EML5: variants seen among roughly 807,000 people sequenced by gnomAD.
The protein encoded by EML5 is EMAP like 5.
EML5 carries 120 observed loss-of-function variants against 250.0 expected under a neutral mutation model. The observed-to-expected ratio is 0.48, with a 90% CI of 0.41 to 0.56. The LOEUF (loss-of-function observed/expected upper bound fraction) is 0.56. Among genes scored for constraint, EML5 ranks in the 20% least tolerant of loss-of-function variants. The pLI, the probability that EML5 is intolerant of heterozygous loss-of-function variation, is 0.00. For missense variants in EML5, 2,006 were observed against 2,437.6 expected, an observed-to-expected ratio of 0.82 and a Z score of 3.73; for synonymous variants, 771 against 806.5, an observed-to-expected ratio of 0.96 and a Z score of 0.75.
rs1323714910 is a variant in EML5, at chr14:88,715,122, T to A, written c.1261A>T (p.Thr421Ser). 1 of 1,612,746 alleles carries A rather than the reference T, an allele frequency of 6.2e-7. No homozygotes were observed. The highest frequency in any genetic ancestry group is 8.5e-7 in the Non-Finnish European group (1 of 1,179,318). ...TCATTGCATCCAACAGCAAGGTAAGTTCCATCTGGTGAATATTTTAACTCA... is the reference window on the plus strand; with the variant it reads ...TCATTGCATCCAACAGCAAGGTAAGATCCATCTGGTGAATATTTTAACTCA... ...IHELKYSPDG[T>S]YLAVGCNDSS... The change falls in exon 9 of 44, where the codon ACT (threonine) becomes TCT (serine). Residue 421 changes from threonine (T) to serine (S), a missense_variant. Thr to Ser is a moderately conservative substitution (Grantham distance 58, BLOSUM62 1). Around this residue, in one of 7 missense-constraint regions of EML5, gnomAD observed 1,375 missense variants for 1,590.3 expected, o/e 0.86. Transcript: ENST00000554922.
At chr14:88,643,541 C>T (rs1443047358) in intron 30 of EML5, among the ~76,000 whole-genome samples, 1 of 152,112 alleles carries the variant, frequency 6.6e-6, no homozygotes, top group Non-Finnish European at 1.5e-5. Flanking sequence ...TTATATAAGG[C>T]ACTTGAGCAC....
At chr14:88,629,756 G>T (rs1338162606) in intron 33 of EML5, among the ~76,000 whole-genome samples, 1 of 152,084 alleles carries the variant, frequency 6.6e-6, no homozygotes, top group Non-Finnish European at 1.5e-5. Context: ...TAACTGACTT[G>T]CCCTAATACA....
At chr14:88,648,711 TC>T (rs1218144784) in intron 28 of EML5, among the ~76,000 whole-genome samples, 2 of 152,106 alleles carry the variant, frequency 1.3e-5, no homozygotes, top group Non-Finnish European at 2.9e-5. Context: ...TCCTGTGCTT[TC>T]TTCTAGCCCA....
rs370179425 is a variant in EML5, at chr14:88,622,665, C to T, written c.4952G>A (p.Arg1651His). 1.4e-5 allele frequency: 23 copies of T among 1,611,018 alleles called. No individual in the cohort carries two copies. The highest frequency in any genetic ancestry group is 3.4e-5 in the Admixed American group (2 of 59,666). ...TTGTCCTGTCTCAAGCCTGAAGGCA[C>T]GGCACCGCCTCAGTTCCTGATCCCA... ...KLWDQELRRC[R>H]AFRLETGQAT... Residue 1651 changes from arginine to histidine, a missense_variant, in exon 37 of 44, where the codon CGT becomes CAT. By Grantham distance (29) the Arg-to-His change is conservative. This residue lies in a region of EML5 where 405 missense variants were observed against 523.3 expected (regional missense o/e 0.77). Transcript: ENST00000554922.
intron 20 of EML5, among the ~76,000 whole-genome samples, chr14:88,684,156 C>G: frequency 6.7e-6 from 1 of 150,258 alleles, no homozygotes; most frequent in East Asian, 2.0e-4. Flanking sequence ...CATTTTGATA[C>G]ACTAGAAATG....
At chr14:88,750,199 A>C (rs1412701131) in intron 2 of EML5, among the ~76,000 whole-genome samples, 1 of 152,150 alleles carries the variant, frequency 6.6e-6, no homozygotes, top group Non-Finnish European at 1.5e-5. Context: ...AGGTTTGAAC[A>C]TCATCTCTTA....
At chr14:88,752,931 C>A (rs1327954270) in intron 2 of EML5, among the ~76,000 whole-genome samples, 1 of 152,154 alleles carries the variant, frequency 6.6e-6, no homozygotes, top group Non-Finnish European at 1.5e-5. Flanking sequence ...CCACTTAGAG[C>A]CACTTCCATT....
intron 22 of EML5, 63 bp downstream of exon 22, chr14:88,665,274 T>A (rs768652369): frequency 6.1e-6 from 9 of 1,477,016 alleles, no homozygotes; most frequent in Non-Finnish European, 8.2e-6. Context: ...AAATTATACA[T>A]TGATACATTT....
chr14:88,772,185 C>G (rs2094399679), intron 1 of EML5, among the ~76,000 whole-genome samples: 1 of 152,162 alleles, frequency 6.6e-6, no homozygotes, highest in African/African-American at 2.4e-5. Context: ...CTCATGCATT[C>G]TATTAGCCTG....
At chr14:88,696,624 A>C (rs2093085917) in intron 15 of EML5, among the ~76,000 whole-genome samples, 1 of 152,152 alleles carries the variant, frequency 6.6e-6, no homozygotes, top group African/African-American at 2.4e-5. Flanking sequence ...GAAACATGTA[A>C]ATTTTAATAA....
rs1190865778 is a variant in EML5 at position 88,738,922 on chromosome 14, T to C, written c.804A>G (p.Pro268=). 6.3e-7 allele frequency: 1 copy of C among 1,593,510 alleles called. No individual in the cohort carries two copies. Among genetic ancestry groups the C allele is most frequent in the Non-Finnish European group, 8.6e-7 (1 of 1,169,192 alleles). The change falls in exon 6 of 44, where the codon CCA becomes CCG. Residue 268 remains proline (P), a synonymous_variant. Coordinates refer to ENST00000554922, the MANE Select transcript of EML5 (RefSeq NM_183387.3). The part of the protein sequence containing the change: ...CIRLWDLTFK[P]ITVIDLRETD... ...TTTCCCTGAGATCAATCACAGTAATTGGTTTAAAAGTTAAATCCCAAAGAC... is the reference window on the plus strand; with the variant it reads ...TTTCCCTGAGATCAATCACAGTAATCGGTTTAAAAGTTAAATCCCAAAGAC...
At position 88,615,783 on chromosome 14, in the gene EML5, C is replaced by G. The variant is rs369600644; in HGVS notation, c.*35G>C. On this transcript the variant is annotated 3_prime_UTR_variant, in exon 44 of 44. Coordinates refer to ENST00000554922, the MANE Select transcript of EML5 (RefSeq NM_183387.3). ...GGTTTTTCTTCTCTGTAATTCTGGTCTCAAAGTTAATTTCTGTAGTCATCT... is the reference window on the plus strand; with the variant it reads ...GGTTTTTCTTCTCTGTAATTCTGGTGTCAAAGTTAATTTCTGTAGTCATCT... The G allele has an allele frequency of 2.1e-5, 33 of 1,601,496 alleles. No individual in the cohort carries two copies. Among genetic ancestry groups the G allele is most frequent in the Non-Finnish European group, 2.8e-5 (33 of 1,173,966 alleles).
intron 14 of EML5, among the ~76,000 whole-genome samples, chr14:88,699,485 G>A (rs2093158980): frequency 6.6e-6 from 1 of 151,978 alleles, no homozygotes; most frequent in South Asian, 2.1e-4. Flanking sequence ...TATAGCTTGT[G>A]GCTATTTAGA....
At chr14:88,742,610 T>A (rs968478771) in intron 4 of EML5, among the ~76,000 whole-genome samples, 1 of 152,168 alleles carries the variant, frequency 6.6e-6, no homozygotes, top group African/African-American at 2.4e-5. Context: ...TCCTTATTCA[T>A]AATTAATTTG....
In EML5 at chr14:88,728,860, T is replaced by C. The variant is rs952519580; in HGVS notation, c.1050-2182A>G. Among the ~76,000 whole-genome samples the C allele has an allele frequency of 3.3e-5, 5 of 152,214 alleles. No homozygotes were observed. In the East Asian group the frequency reaches 9.6e-4, roughly 29 times the overall value. ...AAAATAGCAAGGAATAACTACATTA[T>C]AAATAAACAAAGGCTACAATTTAAT... On this transcript the variant is annotated intron_variant, in intron 7 of 43. Transcript: ENST00000554922.
intron 40 of EML5, 33 bp from the exon 41 acceptor site, chr14:88,618,364 C>T (rs749191567): frequency 1.3e-6 from 2 of 1,586,304 alleles, no homozygotes; most frequent in African/African-American, 2.7e-5. Flanking sequence ...GACAAGAATT[C>T]CATTAGGTGA....
intron 3 of EML5, among the ~76,000 whole-genome samples, chr14:88,744,519 A>G (rs1204141382): frequency 6.6e-6 from 1 of 152,068 alleles, no homozygotes; most frequent in Non-Finnish European, 1.5e-5. Context: ...AACTGTTTAC[A>G]TAAAGAATCC....
At chr14:88,705,357 C>G (rs1291458649) in intron 12 of EML5, 125 bp downstream of exon 12, 1 of 771,746 alleles carries the variant, frequency 1.3e-6, no homozygotes, top group East Asian at 2.7e-5. Context: ...AGTGGGAAAA[C>G]TAATATAGTC....
At chr14:88,789,855 G>A (rs1372924907) in intron 1 of EML5, among the ~76,000 whole-genome samples, 1 of 152,214 alleles carries the variant, frequency 6.6e-6, no homozygotes, top group Non-Finnish European at 1.5e-5. Flanking sequence ...TCTATCCTCA[G>A]ACTAAGTAAT....
Sources: allele counts gnomAD v4.1 joint callset (sites outside exome capture counted in the v4.1 genomes callset), GRCh38; gene constraint gnomAD v4.1.1; regional missense constraint gnomAD v4.1.1; transcripts MANE v1.5; gene names NCBI Gene and HGNC (gene_info 2026-07-23, HGNC 2026-07-21).